NSD3: variants seen among roughly 807,000 people sequenced by gnomAD.
NSD3 encodes the protein nuclear receptor binding SET domain protein 3.
In NSD3, 24 loss-of-function variants were observed where a neutral mutation model predicts 160.8. The observed-to-expected ratio is 0.15, with a 90% CI of 0.11 to 0.21. The LOEUF (loss-of-function observed/expected upper bound fraction) is 0.21, where lower values mean the gene tolerates loss of function less well. NSD3 is among the 10% of genes least tolerant of loss of function. The pLI, the probability that NSD3 is intolerant of heterozygous loss-of-function variation, is 1.00. For missense variants in NSD3, 1,157 were observed against 1,735.9 expected (o/e 0.67, Z 5.93); for synonymous variants, 520 against 600.0 (o/e 0.87, Z 1.95).
At position 38,288,302 on chromosome 8, in the gene NSD3, A is replaced by G. The variant is rs1808913910; in HGVS notation, c.3501+185T>C. On this transcript the variant is annotated intron_variant, in intron 19 of 23. Coordinates refer to ENST00000317025, the MANE Select transcript of NSD3 (RefSeq NM_023034.2). The surrounding 1 kb of genome is among the most constrained non-coding windows in gnomAD (Gnocchi z 4.5). ...CACTGGACACTCAAAGTTTAAGCACATTTTATCACTATCTTCTTCCTACTA... is the reference window on the plus strand; with the variant it reads ...CACTGGACACTCAAAGTTTAAGCACGTTTTATCACTATCTTCTTCCTACTA... 1.3e-5 allele frequency among the ~76,000 whole-genome samples: 2 copies of G among 152,304 alleles called. No homozygotes were observed. Among genetic ancestry groups the G allele is most frequent in the African/African-American group, 4.8e-5 (2 of 41,542 alleles).
At chr8:38,286,022 G>T (rs10109023) in intron 19 of NSD3, among the ~76,000 whole-genome samples, 33,867 of 152,090 alleles carry the variant, frequency 0.22, 4,008 homozygotes, top group East Asian at 0.31. Context: ...AGGTGGCCCC[G>T]GTGATGCCTG....
intron 16 of NSD3, among the ~76,000 whole-genome samples, chr8:38,294,537 C>T (rs1161061133): frequency 1.3e-5 from 2 of 152,186 alleles, no homozygotes; most frequent in African/African-American, 2.4e-5. Flanking sequence ...AATAATCTCT[C>T]CTTAAATTCT....
chr8:38,367,550 A>C (rs1007951702), intron 1 of NSD3, among the ~76,000 whole-genome samples: 1 of 152,052 alleles, frequency 6.6e-6, no homozygotes, highest in Non-Finnish European at 1.5e-5. Context: ...TGTCTCTACC[A>C]AAAATACAAA....
intron 1 of NSD3, among the ~76,000 whole-genome samples, chr8:38,366,399 T>C (rs1446346248): frequency 6.6e-6 from 1 of 151,118 alleles, no homozygotes; most frequent in Non-Finnish European, 1.5e-5. Context: ...TGTACAATTA[T>C]GTTCACATCT....
At position 38,334,781 on chromosome 8, in the gene NSD3, G is replaced by A. The variant is rs564130550; in HGVS notation, c.910+2524C>T. ...ACAAACAAACAAACAAAAAAAACAG[G>A]TGAATTTTATGATATGAGAATTATA... On this transcript the variant is annotated intron_variant, in intron 4 of 23. Transcript: ENST00000317025. Among the ~76,000 whole-genome samples the A allele has an allele frequency of 5.3e-5, 8 of 151,544 alleles. No individual in the cohort carries two copies. In the South Asian group the frequency reaches 1.7e-3, roughly 32 times the overall value.
intron 1 of NSD3, among the ~76,000 whole-genome samples, chr8:38,351,600 T>C (rs1585914915): frequency 6.7e-6 from 1 of 150,360 alleles, no homozygotes; most frequent in Non-Finnish European, 1.5e-5. Context: ...GAGGCAGAGG[T>C]TGCAGTGAGC....
chr8:38,317,863 AAAAC>A lies in NSD3; in HGVS notation c.1855+1028_1855+1031del. On this transcript the variant is annotated intron_variant, in intron 9 of 23. Coordinates refer to ENST00000317025, the MANE Select transcript of NSD3 (RefSeq NM_023034.2). This position sits in a 1 kb window ranked among gnomAD's most constrained non-coding sequence, Gnocchi z 5.3. ...ATGATGATTGGCGAAATCAAAATCG[AAAAC>A]AAAGAAACTGTTTATCAAGCCGCCG... 4.5e-6 allele frequency: 7 copies of A among 1,567,440 alleles called. No homozygotes were observed. In the South Asian group the frequency reaches 5.9e-5, roughly 13 times the overall value.
At chr8:38,364,353 T>C (rs918210998) in intron 1 of NSD3, among the ~76,000 whole-genome samples, 11 of 152,188 alleles carry the variant, frequency 7.2e-5, no homozygotes, top group Non-Finnish European at 1.6e-4. Flanking sequence ...GTTTTATCTA[T>C]AGATACAGGC....
chr8:38,299,683 A>G (rs1361315258), intron 14 of NSD3, 93 bp from the exon 15 acceptor site: 1 of 1,280,980 alleles, frequency 7.8e-7, no homozygotes, highest in Non-Finnish European at 1.0e-6. Flanking sequence ...TGTATGCTTC[A>G]AAGCTGGGGT....
chr8:38,275,854 G>A lies in NSD3; in HGVS notation c.4101C>T (p.Cys1367=), dbSNP rs775681071. Residue 1367 remains cysteine, a synonymous_variant, in exon 24 of 24, where the codon TGC becomes TGT. Transcript: ENST00000317025. The part of the protein sequence containing the change: ...YGKWECPWHQ[C]DECSSAAVSF... ...AAACAGCTGCACTGCTGCACTCATC[G>A]CACTGATGCCACGGACACTCCCACT... 6.9e-5 allele frequency: 112 copies of A among 1,613,982 alleles called. No homozygotes were observed. Among genetic ancestry groups the A allele is most frequent in the Non-Finnish European group, 9.0e-5 (106 of 1,180,010 alleles).
intron 1 of NSD3, among the ~76,000 whole-genome samples, chr8:38,357,215 T>C (rs1038677514): frequency 1.3e-5 from 2 of 151,506 alleles, no homozygotes; most frequent in African/African-American, 4.8e-5. Flanking sequence ...ATATAAATTG[T>C]CTATTTCTGT....
At chr8:38,365,138 T>G (rs1391867018) in intron 1 of NSD3, among the ~76,000 whole-genome samples, 1 of 152,212 alleles carries the variant, frequency 6.6e-6, no homozygotes, top group African/African-American at 2.4e-5. Context: ...TTGTTTTTAA[T>G]TGAGTTCGCA....
rs1025278337 is a variant in NSD3, at chr8:38,319,486, G to A, written c.1810-546C>T. ...ACTTTTGCTGCTAGTACAAACTTAA[G>A]AAAATAAGTTTGTGATATTGCAAAA... On this transcript the variant is annotated intron_variant, in intron 8 of 23. Coordinates refer to ENST00000317025, the MANE Select transcript of NSD3 (RefSeq NM_023034.2). This position sits in a 1 kb window ranked among gnomAD's most constrained non-coding sequence, Gnocchi z 4.1. Among the ~76,000 whole-genome samples the A allele has an allele frequency of 1.3e-5, 2 of 152,154 alleles. No individual in the cohort carries two copies. Among genetic ancestry groups the A allele is most frequent in the African/African-American group, 4.8e-5 (2 of 41,430 alleles).
chr8:38,304,532 G>A (rs1254248498), intron 14 of NSD3, 55 bp downstream of exon 14: 49 of 1,550,966 alleles, frequency 3.2e-5, no homozygotes, highest in Non-Finnish European at 3.9e-5. Flanking sequence ...CTATGTTAAT[G>A]GAGAAATATG....
At position 38,369,937 on chromosome 8, in the gene NSD3, C is replaced by T. The variant is rs553056748; in HGVS notation, c.-45+11862G>A. On this transcript the variant is annotated intron_variant, in intron 1 of 23. Transcript: ENST00000317025. ...AGCCTCCTGAGTAGCTGGGACTACA[C>T]GCGTGCACCACAACACTGGCTAATT... Among the ~76,000 whole-genome samples the T allele has an allele frequency of 1.1e-4, 16 of 152,010 alleles. No individual in the cohort carries two copies. The East Asian group carries it at 1.2e-3, about 11-fold the overall frequency.
intron 4 of NSD3, among the ~76,000 whole-genome samples, chr8:38,334,420 G>A (rs1394337562): frequency 2.6e-5 from 4 of 152,170 alleles, no homozygotes; most frequent in Non-Finnish European, 5.9e-5. Flanking sequence ...GCACAACTCT[G>A]TGAATGTACA....
intron 12 of NSD3, among the ~76,000 whole-genome samples, chr8:38,310,512 T>G (rs904217717): frequency 6.6e-6 from 1 of 151,674 alleles, no homozygotes; most frequent in African/African-American, 2.4e-5. Context: ...TCTGTTGGAG[T>G]CCTTTTTTTT....
chr8:38,318,965 T>A lies in NSD3; in HGVS notation c.1810-25A>T. 1 of 1,590,398 alleles carries A rather than the reference T, an allele frequency of 6.3e-7. No individual in the cohort carries two copies. The highest frequency in any genetic ancestry group is 8.5e-7 in the Non-Finnish European group (1 of 1,171,812). On this transcript the variant is annotated intron_variant, in intron 8 of 23. Coordinates refer to ENST00000317025, the MANE Select transcript of NSD3 (RefSeq NM_023034.2). This position sits in a 1 kb window ranked among gnomAD's most constrained non-coding sequence, Gnocchi z 5.3. ...CCTGTTTGGACAGAAAAATACAGCA[T>A]TAACAAAGAATTTTTTTCCCTTTTA...
intron 22 of NSD3, 43 bp downstream of exon 22, chr8:38,278,263 C>G (rs1808659484): frequency 6.3e-7 from 1 of 1,578,244 alleles, no homozygotes; most frequent in Non-Finnish European, 8.7e-7. Flanking sequence ...CAGCCCTACT[C>G]CTTATCGCCT....
Sources: allele counts gnomAD v4.1 joint callset (sites outside exome capture counted in the v4.1 genomes callset), GRCh38; gene constraint gnomAD v4.1.1; non-coding constraint Gnocchi (gnomAD v3.1); transcripts MANE v1.5; gene names NCBI Gene and HGNC (gene_info 2026-07-23, HGNC 2026-07-21).